ANO4: variants seen among roughly 807,000 people sequenced by gnomAD.
The protein encoded by ANO4 is anoctamin 4, also known as anoctamin-4.
In ANO4, 69 loss-of-function variants were observed where a neutral mutation model predicts 141.9. The observed-to-expected ratio is 0.49, with a 90% CI of 0.40 to 0.59. The LOEUF is 0.59. ANO4 is among the 20% of genes least tolerant of loss of function. The pLI is 0.00. For synonymous variants in ANO4, 350 were observed against 394.3 expected (o/e 0.89, Z 1.33); for missense variants, 894 against 1,162.2 (o/e 0.77, Z 3.36).
intron 3 of ANO4, among the ~76,000 whole-genome samples, chr12:100,757,258 C>T (rs2135515218): frequency 6.6e-6 from 1 of 152,318 alleles, no homozygotes; most frequent in South Asian, 2.1e-4. Flanking sequence ...AAAGCCTTGT[C>T]ACCTTTGACT....
At chr12:100,980,761 G>T (rs1445640605) in intron 7 of ANO4, among the ~76,000 whole-genome samples, 1 of 152,124 alleles carries the variant, frequency 6.6e-6, no homozygotes, top group Non-Finnish European at 1.5e-5. Flanking sequence ...TGGATTTTTG[G>T]AGTTAATGCT....
chr12:100,986,402 A>C (rs574348868), intron 7 of ANO4, among the ~76,000 whole-genome samples: 1 of 152,106 alleles, frequency 6.6e-6, no homozygotes, highest in Non-Finnish European at 1.5e-5. Flanking sequence ...CAGGTCCTCA[A>C]TGGATTAGAT....
At chr12:100,876,291 A>AAAAT (rs1565960271) in intron 1 of ANO4, among the ~76,000 whole-genome samples, 10 of 151,322 alleles carry the variant, frequency 6.6e-5, no homozygotes, top group Admixed American at 5.3e-4. Context: ...AAAAAAAAAA[A>AAAAT]AAAAACAGTG....
At chr12:100,772,545 A>C (rs2033344830) in intron 3 of ANO4, among the ~76,000 whole-genome samples, 3 of 152,162 alleles carry the variant, frequency 2.0e-5, no homozygotes, top group African/African-American at 4.8e-5. Flanking sequence ...TGGGATGTCA[A>C]ATCCTCAGGG....
At chr12:100,999,078 T>C (rs1335947197) in intron 8 of ANO4, among the ~76,000 whole-genome samples, 8 of 152,228 alleles carry the variant, frequency 5.3e-5, no homozygotes, top group Non-Finnish European at 1.2e-4. Flanking sequence ...TCTTATCTTT[T>C]TAACATTGCA....
intron 1 of ANO4, among the ~76,000 whole-genome samples, chr12:100,835,923 T>G (rs547683344): frequency 6.6e-6 from 1 of 152,208 alleles, no homozygotes; most frequent in Admixed American, 6.6e-5. Context: ...TTAAGCAAGG[T>G]GCTACATGAA....
rs1432195167 is a variant in ANO4 at position 100,988,878 on chromosome 12, AAAAAAAAAAAG to A, written c.734+1212_734+1222del. Among the ~76,000 whole-genome samples the A allele has an allele frequency of 2.7e-4, 36 of 133,790 alleles. 2 individuals carry two copies. Among genetic ancestry groups the A allele is most frequent in the African/African-American group, 9.7e-4 (36 of 36,986 alleles). The allele number at this position is 133,790 out of a possible 152,430, so 87.8% of individuals were successfully genotyped here. The stretch of plus-strand genomic sequence containing the variant: ...AGAGTGAGACTCTGTCTCAGAAAAA[AAAAAAAAAAAG>A]AAAGAAAAACAAAAAACGAAGGTAA... On this transcript the variant is annotated intron_variant, in intron 8 of 27. Coordinates refer to ENST00000392977, the MANE Select transcript of ANO4 (RefSeq NM_001286615.2).
chr12:101,094,191 T>G, intron 17 of ANO4, 65 bp from the exon 18 acceptor site: 1 of 1,326,360 alleles, frequency 7.5e-7, no homozygotes, highest in South Asian at 1.2e-5. Flanking sequence ...CCCTATTTCC[T>G]TTGTGATTAT....
intron 3 of ANO4, among the ~76,000 whole-genome samples, chr12:100,770,367 T>TAA (rs1281102282): frequency 6.6e-6 from 1 of 152,238 alleles, no homozygotes; most frequent in Non-Finnish European, 1.5e-5. Context: ...ATTACTGGCC[T>TAA]AAGAGTTCAG....
intron 14 of ANO4, among the ~76,000 whole-genome samples, chr12:101,070,324 T>G (rs1286376901): frequency 1.3e-5 from 2 of 152,008 alleles, no homozygotes. Flanking sequence ...AACAGACATA[T>G]AGACCAATGG....
At chr12:100,991,441 G>C (rs988098551) in intron 8 of ANO4, among the ~76,000 whole-genome samples, 8 of 148,194 alleles carry the variant, frequency 5.4e-5, no homozygotes, top group Non-Finnish European at 8.9e-5. Flanking sequence ...TGTTTTTCTT[G>C]GAATACAAGC....
chr12:100,862,736 A>G (rs997101241), intron 1 of ANO4, among the ~76,000 whole-genome samples: 2 of 152,190 alleles, frequency 1.3e-5, no homozygotes, highest in African/African-American at 4.8e-5. Flanking sequence ...CATGTGAGTA[A>G]TGCATTGCCC....
intron 1 of ANO4, among the ~76,000 whole-genome samples, chr12:100,886,526 A>T (rs999851395): frequency 2.0e-5 from 3 of 151,978 alleles, no homozygotes; most frequent in African/African-American, 7.3e-5. Context: ...ATCTCTGCCT[A>T]TGAGAAATCT....
intron 2 of ANO4, among the ~76,000 whole-genome samples, chr12:100,908,118 G>C (rs2136053036): frequency 6.6e-6 from 1 of 152,292 alleles, no homozygotes; most frequent in South Asian, 2.1e-4. Context: ...CCAGCACTTT[G>C]GGAGGCCGAG....
chr12:100,906,231 A>T (rs548106663), intron 2 of ANO4, among the ~76,000 whole-genome samples: 155 of 152,294 alleles, frequency 1.0e-3, no homozygotes, highest in South Asian at 2.5e-3. Context: ...TCAAAAGTGC[A>T]TGGAAGGGAG....
intron 2 of ANO4, among the ~76,000 whole-genome samples, chr12:100,903,268 T>C (rs141209841): frequency 6.6e-6 from 1 of 152,200 alleles, no homozygotes; most frequent in Non-Finnish European, 1.5e-5. Flanking sequence ...CACTGTTCCC[T>C]TGGCTTCCAT....
chr12:100,945,318 C>T (rs1476983812), intron 5 of ANO4, among the ~76,000 whole-genome samples: 2 of 152,168 alleles, frequency 1.3e-5, no homozygotes, highest in Non-Finnish European at 2.9e-5. Flanking sequence ...CAAGTTTAAT[C>T]TTTCTTAAAA....
At chr12:101,031,806 A>G (rs1375166326) in intron 9 of ANO4, among the ~76,000 whole-genome samples, 2 of 152,206 alleles carry the variant, frequency 1.3e-5, no homozygotes, top group Non-Finnish European at 2.9e-5. Context: ...GCAGAGAGCC[A>G]AATCATGAAT....
In ANO4 at chr12:100,825,681, G is replaced by A. The variant is rs565033786; in HGVS notation, c.-141+30654G>A. Among the ~76,000 whole-genome samples, 5 of 152,042 alleles carry A rather than the reference G, an allele frequency of 3.3e-5. No homozygotes were observed. In the South Asian group the frequency reaches 1.0e-3, roughly 32 times the overall value. On this transcript the variant is annotated intron_variant, in intron 1 of 27. Coordinates refer to ENST00000392977, the MANE Select transcript of ANO4 (RefSeq NM_001286615.2). ...TCTTCAGTAACTAGCATCCCAGCTT[G>A]GTGTGAAAATTTGGAACACTTAATT...
Sources: allele counts gnomAD v4.1 joint callset (sites outside exome capture counted in the v4.1 genomes callset), GRCh38; gene constraint gnomAD v4.1.1; transcripts MANE v1.5; gene names NCBI Gene and HGNC (gene_info 2026-07-23, HGNC 2026-07-21).